The following NKAIN2 variants were observed in gnomAD, a reference collection of about 807,000 sequenced individuals.
NKAIN2 encodes the protein sodium/potassium transporting ATPase interacting 2.
Under a neutral mutation model 32.6 loss-of-function variants are expected in NKAIN2, and 14 were observed. That is an observed-to-expected ratio of 0.43 (90% confidence interval 0.28 to 0.67). NKAIN2 has a LOEUF of 0.67. Ranked by LOEUF, NKAIN2 falls within the 30% of genes least tolerant of loss-of-function variation. The pLI, the probability that NKAIN2 is intolerant of heterozygous loss-of-function variation, is 0.17. For missense variants in NKAIN2, 198 were observed against 258.3 expected (o/e 0.77, Z 1.60); for synonymous variants, 80 against 87.2 (o/e 0.92, Z 0.46).
At chr6:124,011,144 T>A (rs571894393) in intron 1 of NKAIN2, among the ~76,000 whole-genome samples, 82 of 152,260 alleles carry the variant, frequency 5.4e-4, no homozygotes, top group African/African-American at 1.9e-3. Context: ...TTCATGACCA[T>A]TTGACTTCTT....
intron 1 of NKAIN2, among the ~76,000 whole-genome samples, chr6:124,231,585 T>A (rs1282150815): frequency 6.6e-6 from 1 of 152,106 alleles, no homozygotes. Context: ...GTCTTTCCCA[T>A]GCTGTTCTTG....
chr6:124,113,245 G>C (rs1039855598), intron 1 of NKAIN2, among the ~76,000 whole-genome samples: 3 of 152,070 alleles, frequency 2.0e-5, no homozygotes, highest in African/African-American at 7.2e-5. Context: ...GCTTTTGTCA[G>C]CTTACTCTGT....
At chr6:124,051,915 A>G (rs1782421617) in intron 1 of NKAIN2, among the ~76,000 whole-genome samples, 1 of 151,992 alleles carries the variant, frequency 6.6e-6, no homozygotes, top group African/African-American at 2.4e-5. Flanking sequence ...CTAAAGGAGG[A>G]AACTCAAAGT....
intron 3 of NKAIN2, among the ~76,000 whole-genome samples, chr6:124,437,080 T>G (rs929608059): frequency 6.6e-6 from 1 of 152,180 alleles, no homozygotes; most frequent in African/African-American, 2.4e-5. Context: ...GTCTTTTTTG[T>G]GACTCTTACC....
At chr6:124,289,810 A>G (rs1321162662) in intron 2 of NKAIN2, among the ~76,000 whole-genome samples, 1 of 152,142 alleles carries the variant, frequency 6.6e-6, no homozygotes, top group Non-Finnish European at 1.5e-5. Context: ...GAAGTCATTA[A>G]TCTATGTTCA....
At chr6:124,700,763 A>C (rs1319826190) in intron 4 of NKAIN2, among the ~76,000 whole-genome samples, 2 of 151,914 alleles carry the variant, frequency 1.3e-5, no homozygotes, top group Non-Finnish European at 2.9e-5. Flanking sequence ...TGAGTGCCCT[A>C]ATACAGAAGC....
chr6:124,399,840 G>T (rs1025811681), intron 3 of NKAIN2, among the ~76,000 whole-genome samples: 1 of 152,106 alleles, frequency 6.6e-6, no homozygotes. Flanking sequence ...ACAGCATCCT[G>T]GGGCCACAGT....
At chr6:124,522,831 T>G (rs1036307310) in intron 3 of NKAIN2, among the ~76,000 whole-genome samples, 1 of 152,024 alleles carries the variant, frequency 6.6e-6, no homozygotes, top group African/African-American at 2.4e-5. Flanking sequence ...TTTTATGAGG[T>G]TTTTTTGTAG....
At chr6:124,820,988 A>G (rs1582582246) in intron 6 of NKAIN2, among the ~76,000 whole-genome samples, 1 of 152,124 alleles carries the variant, frequency 6.6e-6, no homozygotes, top group Non-Finnish European at 1.5e-5. Flanking sequence ...ATGTAATACT[A>G]TATTTATGCT....
At chr6:124,423,782 G>T (rs1447228891) in intron 3 of NKAIN2, among the ~76,000 whole-genome samples, 2 of 152,146 alleles carry the variant, frequency 1.3e-5, no homozygotes, top group African/African-American at 2.4e-5. Context: ...TTGAAGCAGA[G>T]GGCAGCACTC....
At chr6:124,263,491 A>G (rs1284708276) in intron 1 of NKAIN2, among the ~76,000 whole-genome samples, 1 of 152,134 alleles carries the variant, frequency 6.6e-6, no homozygotes, top group African/African-American at 2.4e-5. Flanking sequence ...CTGACTCTGT[A>G]CCTATATTTC....
chr6:124,030,385 C>G (rs917868666), intron 1 of NKAIN2, among the ~76,000 whole-genome samples: 12 of 152,144 alleles, frequency 7.9e-5, no homozygotes, highest in African/African-American at 2.9e-4. Context: ...TCCATTGCCT[C>G]CATATTCACT....
intron 3 of NKAIN2, among the ~76,000 whole-genome samples, chr6:124,521,802 G>A (rs779126698): frequency 6.6e-6 from 1 of 151,858 alleles, no homozygotes; most frequent in African/African-American, 2.4e-5. Flanking sequence ...TATGGACACA[G>A]TATATCTGTA....
chr6:123,994,420 C>A (rs1006095737), intron 1 of NKAIN2, among the ~76,000 whole-genome samples: 7 of 152,052 alleles, frequency 4.6e-5, no homozygotes, highest in Non-Finnish European at 1.0e-4. Context: ...CCCTTTCCAG[C>A]CCAAAAGGAA....
intron 2 of NKAIN2, among the ~76,000 whole-genome samples, chr6:124,347,181 G>A (rs1446882045): frequency 1.3e-5 from 2 of 152,212 alleles, no homozygotes; most frequent in Non-Finnish European, 2.9e-5. Flanking sequence ...CTTCTGGCTT[G>A]TAGAGTTTCT....
chr6:124,465,320 A>G (rs564832655), intron 3 of NKAIN2, among the ~76,000 whole-genome samples: 2 of 152,274 alleles, frequency 1.3e-5, no homozygotes, highest in South Asian at 2.1e-4. Flanking sequence ...GGATGAATTC[A>G]TGTCCTTTGC....
intron 4 of NKAIN2, among the ~76,000 whole-genome samples, chr6:124,741,399 C>A (rs1477814691): frequency 2.0e-5 from 3 of 151,620 alleles, no homozygotes; most frequent in South Asian, 4.2e-4. Context: ...ATGTAGAAAT[C>A]CAGTAGAAAT....
At chr6:124,166,261 T>A (rs1431600378) in intron 1 of NKAIN2, among the ~76,000 whole-genome samples, 1 of 150,256 alleles carries the variant, frequency 6.7e-6, no homozygotes, top group African/African-American at 2.4e-5. Flanking sequence ...ATTTCTCTGA[T>A]GGCCAGTGAT....
chr6:124,209,671 A>G (rs1325336003), intron 1 of NKAIN2, among the ~76,000 whole-genome samples: 1 of 151,762 alleles, frequency 6.6e-6, no homozygotes, highest in Non-Finnish European at 1.5e-5. Context: ...AGATGATCTC[A>G]CATTGTAGTT....
Sources: allele counts gnomAD v4.1 joint callset (sites outside exome capture counted in the v4.1 genomes callset), GRCh38; gene constraint gnomAD v4.1.1; transcripts MANE v1.5; gene names NCBI Gene and HGNC (gene_info 2026-07-23, HGNC 2026-07-21).